GRK7: variants seen among roughly 807,000 people sequenced by gnomAD.
The protein encoded by GRK7 is G protein-coupled receptor kinase 7.
A neutral mutation model predicts 34.1 loss-of-function variants in GRK7; 24 were observed. The ratio of observed to expected loss-of-function variants is 0.70; its 90% CI spans 0.51 to 0.99. The LOEUF (loss-of-function observed/expected upper bound fraction) is 0.99. Among genes scored for constraint, GRK7 ranks in the 50% least tolerant of loss-of-function variants. The pLI is 0.00. For missense variants in GRK7, 644 were observed against 707.3 expected (o/e 0.91, Z 1.02); for synonymous variants, 256 against 279.4 (o/e 0.92, Z 0.84).
At chr3:141,753,244 G>T in the GRK7 span, among the ~76,000 whole-genome samples, 1 of 152,128 alleles carries the variant, frequency 6.6e-6, no homozygotes, top group African/African-American at 2.4e-5. Flanking sequence ...TTGGTTTTTA[G>T]TTCTGTAAAG....
rs141897427 is a variant in GRK7, at chr3:141,778,465, G to C, written c.181G>C (p.Glu61Gln). The change falls in exon 3 of 6, where the codon GAG becomes CAG. Residue 61 changes from glutamate to glutamine, a missense_variant. Physicochemically the swap from Glu to Gln is conservative, Grantham distance 29. Coordinates refer to ENST00000682958, the MANE Select transcript of GRK7 (RefSeq NM_139209.3). The surrounding 1 kb of genome is among the most constrained non-coding windows in gnomAD (Gnocchi z 4.1). The part of the protein sequence containing the change: ...KLSLNFHSLC[E>Q]QQPIGRRLFR... The stretch of plus-strand genomic sequence containing the variant: ...GTCCCTGAACTTCCACAGCCTGTGT[G>C]AGCAGCAGCCCATCGGTCGCCGCCT... The C allele has an allele frequency of 6.8e-5, 110 of 1,613,164 alleles. 1 individual carries two copies. In the South Asian group the frequency reaches 1.1e-3, roughly 16 times the overall value.
chr3:141,756,141 G>T, the GRK7 span, among the ~76,000 whole-genome samples: 11 of 152,072 alleles, frequency 7.2e-5, no homozygotes, highest in East Asian at 2.1e-3. Context: ...GTAAAACCTC[G>T]TCTGTACTAA....
At chr3:141,788,034 G>A (rs1265381209) in intron 4 of GRK7, among the ~76,000 whole-genome samples, 1 of 151,960 alleles carries the variant, frequency 6.6e-6, no homozygotes, top group African/African-American at 2.4e-5. Context: ...AACAAAAAAC[G>A]AGAACAAAAA....
intron 4 of GRK7, among the ~76,000 whole-genome samples, chr3:141,796,907 G>T (rs1272316443): frequency 6.6e-6 from 1 of 152,140 alleles, no homozygotes; most frequent in Non-Finnish European, 1.5e-5. Flanking sequence ...TACTGTGGTA[G>T]CAGGCCTGCT....
At chr3:141,805,694 T>C (rs368618971) in intron 4 of GRK7, among the ~76,000 whole-genome samples, 1 of 152,232 alleles carries the variant, frequency 6.6e-6, no homozygotes, top group East Asian at 1.9e-4. Flanking sequence ...TTTCTTGTTG[T>C]GATCCATGTA....
In GRK7 at chr3:141,781,485, C is replaced by T. The variant is rs539112163; in HGVS notation, c.1050+674C>T. ...CCAGGAGGCGGAAGTTGTAGTGAGC[C>T]GAGATCATGCCACTGCACTCCAGCC... On this transcript the variant is annotated intron_variant, in intron 4 of 5. Coordinates refer to ENST00000682958, the MANE Select transcript of GRK7 (RefSeq NM_139209.3). Among the ~76,000 whole-genome samples the T allele has an allele frequency of 7.6e-4, 113 of 148,348 alleles. 1 individual carries two copies. The highest frequency in any genetic ancestry group is 2.6e-3 in the African/African-American group (105 of 40,188).
chr3:141,776,147 C>T (rs879298514), intron 2 of GRK7, among the ~76,000 whole-genome samples: 1 of 151,878 alleles, frequency 6.6e-6, no homozygotes, highest in East Asian at 1.9e-4. Context: ...ATTAGCCGGG[C>T]GCGGTGGCGG....
At position 141,780,373 on chromosome 3, in the gene GRK7, G is replaced by A; in HGVS notation, c.613-1G>A. 6.2e-7 allele frequency: 1 copy of A among 1,613,268 alleles called. No individual in the cohort carries two copies. The highest frequency in any genetic ancestry group is 1.1e-5 in the South Asian group (1 of 91,022). ...TTCTCTTCTTTTCTTTCTCCTTTAA[G>A]GTATGTGCCGTCCAGGTGAAAAACA... On this transcript the variant is annotated splice_acceptor_variant, in intron 3 of 5. Transcript: ENST00000682958. LOFTEE classifies it high-confidence loss of function.
upstream of GRK7, among the ~76,000 whole-genome samples, chr3:141,762,948 G>A (rs145120563): frequency 0.11 from 16,545 of 151,916 alleles, 912 homozygotes; most frequent in South Asian, 0.15. Flanking sequence ...GACCCCTTGC[G>A]CTTCCCAGGT....
At chr3:141,772,207 G>A (rs927139714) in intron 1 of GRK7, among the ~76,000 whole-genome samples, 2 of 152,034 alleles carry the variant, frequency 1.3e-5, no homozygotes, top group Non-Finnish European at 2.9e-5. Flanking sequence ...CAATTCTCCT[G>A]CCTCAGCCTC....
chr3:141,750,355 A>C, the GRK7 span, among the ~76,000 whole-genome samples: 2 of 152,224 alleles, frequency 1.3e-5, no homozygotes, highest in African/African-American at 4.8e-5. Flanking sequence ...GTGTAGCTGC[A>C]GTATAGCATA....
chr3:141,802,368 A>T (rs1307690315), intron 4 of GRK7, among the ~76,000 whole-genome samples: 2 of 146,216 alleles, frequency 1.4e-5, no homozygotes, highest in Non-Finnish European at 3.0e-5. Flanking sequence ...TTTCTCTGTC[A>T]CACACACACA....
At chr3:141,791,450 G>A (rs2084723783) in intron 4 of GRK7, among the ~76,000 whole-genome samples, 1 of 152,080 alleles carries the variant, frequency 6.6e-6, no homozygotes, top group Non-Finnish European at 1.5e-5. Flanking sequence ...ATGAAGTCAT[G>A]GTCACACTTT....
At position 141,816,699 on chromosome 3, in the gene GRK7, CT is replaced by C. The variant is rs764727792; in HGVS notation, c.1326-14del. ...GTTAACTCTGTCTCAGGCTGATCAT[CT>C]CCTTTCTTCACAGAGAAAAGTCTGA... is the stretch of plus-strand genomic sequence containing the variant. On this transcript the variant is annotated splice_polypyrimidine_tract_variant and intron_variant, in intron 5 of 5. Coordinates refer to ENST00000682958, the MANE Select transcript of GRK7 (RefSeq NM_139209.3). 2.2e-5 allele frequency: 33 copies of C among 1,483,888 alleles called. No individual in the cohort carries two copies. Among genetic ancestry groups the C allele is most frequent in the Non-Finnish European group, 2.9e-5 (32 of 1,104,740 alleles). The allele number at this position is 1,483,888 out of a possible 1,614,324, so 91.9% of individuals were successfully genotyped here.
chr3:141,757,129 CTTTT>C, the GRK7 span, among the ~76,000 whole-genome samples: 9 of 101,364 alleles, frequency 8.9e-5, no homozygotes, highest in African/African-American at 2.5e-4. Flanking sequence ...AGATCTTCTT[CTTTT>C]TTTTTTTTTT....
intron 2 of GRK7, among the ~76,000 whole-genome samples, chr3:141,777,287 T>C (rs1460353050): frequency 6.7e-6 from 1 of 149,824 alleles, no homozygotes; most frequent in South Asian, 2.1e-4. Context: ...CTGCTTATAC[T>C]GCTTCATGGT....
the GRK7 span, among the ~76,000 whole-genome samples, chr3:141,751,109 A>G: frequency 1.3e-5 from 2 of 152,280 alleles, no homozygotes; most frequent in East Asian, 3.9e-4. Context: ...TCTTTAAACT[A>G]TTTCAGCACA....
At chr3:141,805,558 A>G (rs1711028602) in intron 4 of GRK7, among the ~76,000 whole-genome samples, 1 of 152,190 alleles carries the variant, frequency 6.6e-6, no homozygotes, top group South Asian at 2.1e-4. Context: ...CCCAAATTAT[A>G]TACCAGCTTC....
At chr3:141,752,599 G>A in the GRK7 span, among the ~76,000 whole-genome samples, 1 of 152,166 alleles carries the variant, frequency 6.6e-6, no homozygotes, top group African/African-American at 2.4e-5. Flanking sequence ...AATCAAACTT[G>A]TATAGCCCTT....
Sources: allele counts gnomAD v4.1 joint callset (sites outside exome capture counted in the v4.1 genomes callset), GRCh38; gene constraint gnomAD v4.1.1; non-coding constraint Gnocchi (gnomAD v3.1); transcripts MANE v1.5; gene names NCBI Gene and HGNC (gene_info 2026-07-23, HGNC 2026-07-21).